Variants in PEAK1 observed in about 807,000 individuals in gnomAD.
PEAK1 encodes the protein pseudopodium enriched atypical kinase 1, also known as inactive tyrosine-protein kinase PEAK1.
In PEAK1, 54 loss-of-function variants were observed where a neutral mutation model predicts 124.7. The observed-to-expected ratio is 0.43, with a 90% confidence interval of 0.35 to 0.54. PEAK1 has a LOEUF of 0.54. Ranked by LOEUF, PEAK1 falls within the 20% of genes least tolerant of loss-of-function variation. The pLI is 0.01. For synonymous variants in PEAK1, 719 were observed against 760.0 expected (o/e 0.95, Z 0.89); for missense variants, 2,046 against 2,134.5 (o/e 0.96, Z 0.82).
At chr15:77,249,412 C>T (rs1297273847) in intron 6 of PEAK1, among the ~76,000 whole-genome samples, 1 of 152,086 alleles carries the variant, frequency 6.6e-6, no homozygotes, top group African/African-American at 2.4e-5. Flanking sequence ...TAAATTTTAG[C>T]TTCTTTAGTG....
At chr15:77,371,762 C>A (rs1258071265) in intron 1 of PEAK1, among the ~76,000 whole-genome samples, 2 of 152,158 alleles carry the variant, frequency 1.3e-5, no homozygotes, top group African/African-American at 4.8e-5. Flanking sequence ...GTGGCACACA[C>A]CTGTAATTGC....
At position 77,336,691 on chromosome 15, in the gene PEAK1, TGAA is replaced by T. The variant is rs1223925286; in HGVS notation, c.-603+28469_-603+28471del. 6 of 342,650 alleles carry T rather than the reference TGAA, an allele frequency of 1.8e-5. No homozygotes were observed. The South Asian group carries it at 4.8e-4, about 27-fold the overall frequency. 21.2% of individuals were successfully genotyped at this position (342,650 alleles called of 1,614,324 possible). On this transcript the variant is annotated intron_variant, in intron 2 of 9. Transcript: ENST00000682557. ...GATTATATACCTCTATAAAATAAAA[TGAA>T]GATTATCACTGCAACATTATTAATG...
At chr15:77,202,513 T>TCC (rs1369472846) in intron 6 of PEAK1, among the ~76,000 whole-genome samples, 1 of 151,996 alleles carries the variant, frequency 6.6e-6, no homozygotes, top group African/African-American at 2.4e-5. Flanking sequence ...CCTCCTGTAA[T>TCC]CCCAGCACTT....
At chr15:77,339,235 G>A (rs1024187778) in intron 2 of PEAK1, among the ~76,000 whole-genome samples, 18 of 151,434 alleles carry the variant, frequency 1.2e-4, no homozygotes, top group Non-Finnish European at 1.9e-4. Context: ...CTCAGCCTGC[G>A]GGGTAGCTGG....
intron 2 of PEAK1, among the ~76,000 whole-genome samples, chr15:77,288,345 T>C (rs1184684729): frequency 6.6e-6 from 1 of 152,208 alleles, no homozygotes; most frequent in Non-Finnish European, 1.5e-5. Flanking sequence ...TATCTTTACC[T>C]ACCTTCCACA....
chr15:77,193,312 C>T (rs1426877832), intron 6 of PEAK1, among the ~76,000 whole-genome samples: 1 of 152,148 alleles, frequency 6.6e-6, no homozygotes. Context: ...TCATTTTACA[C>T]ACAAATTTAA....
chr15:77,341,193 T>C (rs185581902), intron 2 of PEAK1, among the ~76,000 whole-genome samples: 3 of 152,024 alleles, frequency 2.0e-5, no homozygotes, highest in Admixed American at 6.6e-5. Flanking sequence ...AGTACACCAA[T>C]GTCTTCACCA....
At chr15:77,420,804 G>A, upstream of PEAK1, 1 of 398,636 alleles carries the variant, frequency 2.5e-6, no homozygotes, top group Non-Finnish European at 4.4e-6. Flanking sequence ...GGTAAGAGGA[G>A]TTACCTGTGG....
intron 2 of PEAK1, chr15:77,350,298 T>C: frequency 9.1e-6 from 9 of 985,312 alleles, no homozygotes; most frequent in Non-Finnish European, 1.1e-5. Flanking sequence ...AATATATAAT[T>C]TGGGTGGGAA....
intron 6 of PEAK1, among the ~76,000 whole-genome samples, chr15:77,230,332 TG>T (rs1327234335): frequency 1.3e-5 from 2 of 152,078 alleles, no homozygotes; most frequent in East Asian, 3.9e-4. Context: ...CCCAAGTAGC[TG>T]GGATTACAGG....
chr15:77,342,833 T>A (rs949640569), intron 2 of PEAK1, among the ~76,000 whole-genome samples: 5 of 152,224 alleles, frequency 3.3e-5, no homozygotes, highest in Non-Finnish European at 7.3e-5. Flanking sequence ...TGTATGTATA[T>A]ACCTCATTTT....
chr15:77,181,487 T>A lies in PEAK1; in HGVS notation c.440A>T (p.Asn147Ile). ...DSAKKMSDNN[N>I]GLTEVLKEIA... ...CTCCTTTAACACTTCAGTTAGTCCA[T>A]TATTGTTATCTGACATCTTCTTTGC... The change falls in exon 7 of 10, where the codon AAT (asparagine) becomes ATT (isoleucine). Residue 147 changes from asparagine to isoleucine, a missense_variant. Physicochemically the swap from Asn to Ile is moderately radical, Grantham distance 149. Transcript: ENST00000682557. The A allele has an allele frequency of 6.2e-7, 1 of 1,614,136 alleles. No individual in the cohort carries two copies. Among genetic ancestry groups the A allele is most frequent in the South Asian group, 1.1e-5 (1 of 91,084 alleles).
At chr15:77,168,238 C>CAG (rs1045821611) in intron 7 of PEAK1, among the ~76,000 whole-genome samples, 1 of 2,324 alleles carries the variant, frequency 4.3e-4, no homozygotes, top group African/African-American at 1.4e-3. Context: ...TGTGCGCGCG[C>CAG]ACACACACAC....
In PEAK1 at chr15:77,133,495, G is replaced by C; in HGVS notation, c.3587C>G (p.Ala1196Gly). 1 of 1,614,198 alleles carries C rather than the reference G, an allele frequency of 6.2e-7. No homozygotes were observed. The highest frequency in any genetic ancestry group is 8.5e-7 in the Non-Finnish European group (1 of 1,180,042). Residue 1196 changes from alanine to glycine, a missense_variant, in exon 9 of 10, where the codon GCC becomes GGC. Transcript: ENST00000682557. This position sits in a 1 kb window ranked among gnomAD's most constrained non-coding sequence, Gnocchi z 4.2. ...PTYDIDPNWD[A>G]SSAGSSISYE... Reference sequence around the variant, plus strand: ...GCTGATGGAAGAACCAGCACTGCTGGCATCCCAGTTGGGGTCGATATCATA... The same window carrying C: ...GCTGATGGAAGAACCAGCACTGCTGCCATCCCAGTTGGGGTCGATATCATA...
chr15:77,137,967 GAGTA>G (rs2053472967), intron 8 of PEAK1, among the ~76,000 whole-genome samples: 3 of 152,160 alleles, frequency 2.0e-5, no homozygotes, highest in Admixed American at 1.3e-4. Flanking sequence ...TCATGATAGT[GAGTA>G]AGTCTCACAA....
chr15:77,222,951 C>T (rs905331894), intron 6 of PEAK1, among the ~76,000 whole-genome samples: 1 of 152,034 alleles, frequency 6.6e-6, no homozygotes, highest in African/African-American at 2.4e-5. Context: ...ATACAGTCCA[C>T]GAACTAGCAG....
At chr15:77,325,645 AT>A (rs2065526950) in intron 2 of PEAK1, among the ~76,000 whole-genome samples, 1 of 151,956 alleles carries the variant, frequency 6.6e-6, no homozygotes. Context: ...CTACCTTTCT[AT>A]TTTGGAACTG....
At chr15:77,291,109 C>T (rs1036157491) in intron 2 of PEAK1, among the ~76,000 whole-genome samples, 1 of 152,186 alleles carries the variant, frequency 6.6e-6, no homozygotes, top group Non-Finnish European at 1.5e-5. Context: ...ATGGCTTGTC[C>T]TTGACTTTGT....
intron 1 of PEAK1, chr15:77,418,872 C>T (rs1177057621): frequency 1.1e-5 from 11 of 985,190 alleles, no homozygotes; most frequent in Non-Finnish European, 1.3e-5. Flanking sequence ...AGTAAGTAGG[C>T]CCCAAAACAG....
Sources: allele counts gnomAD v4.1 joint callset (sites outside exome capture counted in the v4.1 genomes callset), GRCh38; gene constraint gnomAD v4.1.1; non-coding constraint Gnocchi (gnomAD v3.1); transcripts MANE v1.5; gene names NCBI Gene and HGNC (gene_info 2026-07-23, HGNC 2026-07-21).